ATP8A2: variants seen among roughly 807,000 people sequenced by gnomAD.
ATP8A2 encodes phospholipid-transporting ATPase IB.
A neutral mutation model predicts 165.6 loss-of-function variants in ATP8A2; 100 were observed. The ratio of observed to expected loss-of-function variants is 0.60; its 90% CI spans 0.51 to 0.71. The LOEUF (loss-of-function observed/expected upper bound fraction) is 0.71, where lower values mean the gene tolerates loss of function less well. ATP8A2 is among the 30% of genes least tolerant of loss of function. ATP8A2 has a pLI of 0.00. For missense variants in ATP8A2, 1,227 were observed against 1,479.5 expected (o/e 0.83, Z 2.80); for synonymous variants, 543 against 548.8 (o/e 0.99, Z 0.15).
chr13:26,011,963 C>T (rs1956857329), intron 35 of ATP8A2, among the ~76,000 whole-genome samples: 1 of 152,188 alleles, frequency 6.6e-6, no homozygotes, highest in Non-Finnish European at 1.5e-5. Flanking sequence ...TAGAAATAGC[C>T]AAGCTCCAGA....
intron 26 of ATP8A2, among the ~76,000 whole-genome samples, chr13:25,773,453 A>AG (rs1377273902): frequency 6.6e-6 from 1 of 152,168 alleles, no homozygotes; most frequent in South Asian, 2.1e-4. Context: ...AGCCAGGCTA[A>AG]GGGGTGGCTG....
rs372168357 is a variant in ATP8A2, at chr13:25,823,202, G to A, written c.2680-4916G>A. Among the ~76,000 whole-genome samples, 6 of 152,234 alleles carry A rather than the reference G, an allele frequency of 3.9e-5. No homozygotes were observed. The East Asian group carries it at 7.7e-4, about 20-fold the overall frequency. On this transcript the variant is annotated intron_variant, in intron 27 of 36. Coordinates refer to ENST00000381655, the MANE Select transcript of ATP8A2 (RefSeq NM_016529.6). ...AAGAATTTGATCTTTTTTGAATAGA[G>A]TGTCTTTTTCATGTTCATTTGGCAT...
At chr13:25,836,403 G>A (rs958935460) in intron 28 of ATP8A2, among the ~76,000 whole-genome samples, 1 of 152,034 alleles carries the variant, frequency 6.6e-6, no homozygotes, top group Non-Finnish European at 1.5e-5. Flanking sequence ...ATCTCTCATG[G>A]GACTCCTTCC....
chr13:25,409,467 G>T (rs1239799965), intron 1 of ATP8A2, among the ~76,000 whole-genome samples: 1 of 152,088 alleles, frequency 6.6e-6, no homozygotes, highest in Non-Finnish European at 1.5e-5. Flanking sequence ...CAGGTAACTT[G>T]GAAGAGTACA....
intron 30 of ATP8A2, among the ~76,000 whole-genome samples, chr13:25,841,003 ACT>A (rs1323430197): frequency 2.0e-5 from 3 of 152,128 alleles, no homozygotes; most frequent in Admixed American, 6.5e-5. Context: ...TTGCCTTTTG[ACT>A]CTCAGAAGCT....
At chr13:25,772,553 G>A (rs1209036787) in intron 26 of ATP8A2, among the ~76,000 whole-genome samples, 1 of 151,920 alleles carries the variant, frequency 6.6e-6, no homozygotes, top group Non-Finnish European at 1.5e-5. Flanking sequence ...TGCGTGGTGA[G>A]CCCCGCGCCT....
At chr13:25,468,797 T>C in intron 1 of ATP8A2, 180 bp from the exon 2 acceptor site, 1 of 981,160 alleles carries the variant, frequency 1.0e-6, no homozygotes, top group East Asian at 1.1e-4. Context: ...GGGCCGGCCT[T>C]GGCTGCCGCG....
intron 27 of ATP8A2, among the ~76,000 whole-genome samples, chr13:25,784,249 G>A (rs2075614372): frequency 6.6e-6 from 1 of 152,066 alleles, no homozygotes; most frequent in Admixed American, 6.5e-5. Context: ...AAAAATGCAA[G>A]TCCAGAAACA....
At chr13:25,991,521 C>G in intron 35 of ATP8A2, among the ~76,000 whole-genome samples, 1 of 152,196 alleles carries the variant, frequency 6.6e-6, no homozygotes, top group Non-Finnish European at 1.5e-5. Flanking sequence ...TTCCTTAACT[C>G]CTGGCAACCA....
At chr13:25,973,087 A>T (rs9319262) in intron 35 of ATP8A2, among the ~76,000 whole-genome samples, 106,425 of 151,952 alleles carry the variant, frequency 0.7, 38,348 homozygotes, top group African/African-American at 0.87. Flanking sequence ...CAGGGCTGAT[A>T]TTCTCCATTG....
At chr13:25,987,262 T>C (rs1361640705) in intron 35 of ATP8A2, among the ~76,000 whole-genome samples, 1 of 152,238 alleles carries the variant, frequency 6.6e-6, no homozygotes, top group Non-Finnish European at 1.5e-5. Context: ...TAAGGTAATT[T>C]AGCCAAATTA....
chr13:25,532,147 C>T, intron 4 of ATP8A2, 125 bp from the exon 5 acceptor site: 1 of 740,278 alleles, frequency 1.4e-6, no homozygotes, highest in East Asian at 2.8e-5. Flanking sequence ...CTGAATTTTA[C>T]AGCATGAGCA....
In ATP8A2 at chr13:25,953,142, A is replaced by G. The variant is rs113189273; in HGVS notation, c.3184-8433A>G. 2.1e-3 allele frequency among the ~76,000 whole-genome samples: 327 copies of G among 152,188 alleles called. 1 individual carries two copies. Among genetic ancestry groups the G allele is most frequent in the African/African-American group, 7.1e-3 (295 of 41,516 alleles). On this transcript the variant is annotated intron_variant, in intron 33 of 36. Coordinates refer to ENST00000381655, the MANE Select transcript of ATP8A2 (RefSeq NM_016529.6). This position sits in a 1 kb window ranked among gnomAD's most constrained non-coding sequence, Gnocchi z 6.7. ...TGTTGTGTTGTCGATGCTGGGTGGG[A>G]ATGGATTGGAAAAATTGTCCCCTCC... is the stretch of plus-strand genomic sequence containing the variant.
At chr13:25,553,586 C>G (rs1244739809) in intron 11 of ATP8A2, among the ~76,000 whole-genome samples, 1 of 152,228 alleles carries the variant, frequency 6.6e-6, no homozygotes. Flanking sequence ...TTGGTTCCCG[C>G]TACGTCCTGT....
intron 2 of ATP8A2, among the ~76,000 whole-genome samples, chr13:25,490,785 G>A (rs1463165923): frequency 2.6e-5 from 4 of 151,382 alleles, no homozygotes; most frequent in African/African-American, 9.7e-5. Flanking sequence ...TGGAGAGGAG[G>A]TCTTACTCTG....
chr13:25,739,485 G>A (rs548773346), intron 25 of ATP8A2, among the ~76,000 whole-genome samples: 85 of 152,266 alleles, frequency 5.6e-4, no homozygotes, highest in African/African-American at 1.6e-3. Flanking sequence ...TTAATATAAC[G>A]TAGAGGGAGG....
chr13:25,460,721 A>C (rs2035481396), intron 1 of ATP8A2, among the ~76,000 whole-genome samples: 1 of 152,226 alleles, frequency 6.6e-6, no homozygotes, highest in South Asian at 2.1e-4. Flanking sequence ...GCCGGAGCCA[A>C]CTAGGTTGTA....
chr13:25,403,445 T>G (rs2033701979), intron 1 of ATP8A2, among the ~76,000 whole-genome samples: 2 of 152,192 alleles, frequency 1.3e-5, no homozygotes. Context: ...AAATCAGGCT[T>G]GGAAAGTACA....
At chr13:25,605,195 A>G (rs1180299802) in intron 24 of ATP8A2, among the ~76,000 whole-genome samples, 1 of 152,168 alleles carries the variant, frequency 6.6e-6, no homozygotes, top group Admixed American at 6.5e-5. Context: ...CTGTGGTCAA[A>G]TTTCTAAGCA....
Sources: gnomAD v4.1 joint callset for allele counts (sites outside exome capture counted in the v4.1 genomes callset) on GRCh38, gnomAD v4.1.1 for gene constraint, Gnocchi (gnomAD v3.1) non-coding constraint, MANE v1.5 for transcripts, NCBI Gene and HGNC (gene_info 2026-07-23, HGNC 2026-07-21) for gene names.